The following GRAMD2B variants were observed in gnomAD, a reference collection of about 807,000 sequenced individuals.
The protein encoded by GRAMD2B is GRAM domain containing 2B, also known as GRAM domain-containing protein 2B.
Under a neutral mutation model 59.2 loss-of-function variants are expected in GRAMD2B, and 41 were observed. The ratio of observed to expected loss-of-function variants is 0.69; its 90% CI spans 0.54 to 0.90. The LOEUF is 0.90. Among genes scored for constraint, GRAMD2B ranks in the 40% least tolerant of loss-of-function variants. The pLI is 0.00. For missense variants in GRAMD2B, 424 were observed against 500.5 expected, an observed-to-expected ratio of 0.85 and a Z score of 1.46; for synonymous variants, 161 against 182.7, an observed-to-expected ratio of 0.88 and a Z score of 0.96.
chr5:126,443,632 G>A (rs757290529), intron 1 of GRAMD2B, among the ~76,000 whole-genome samples: 2 of 152,062 alleles, frequency 1.3e-5, no homozygotes, highest in Non-Finnish European at 2.9e-5. Context: ...AACTTTCCTG[G>A]ACAATAGTTT....
intron 1 of GRAMD2B, among the ~76,000 whole-genome samples, chr5:126,364,881 T>C (rs547116425): frequency 6.6e-6 from 1 of 152,332 alleles, no homozygotes; most frequent in East Asian, 1.9e-4. Flanking sequence ...TTTGATTCTG[T>C]TTCCACTACT....
intron 1 of GRAMD2B, among the ~76,000 whole-genome samples, chr5:126,427,429 T>G (rs1760801975): frequency 6.6e-6 from 1 of 152,214 alleles, no homozygotes; most frequent in South Asian, 2.1e-4. Flanking sequence ...GATTCATGTT[T>G]CAAATAACGA....
Position 126,391,319 on chromosome 5 carries a change from C to CAAAAAAAAAAAAAAAAAAAAAAAAAA in GRAMD2B, c.125+19773_125+19774insAAAAAAAAAAAAAAAAAAAAAAAAAA, listed in dbSNP as rs61181985. ...TGGGCAAGAGAGGGAGACTCCATCT[C>CAAAAAAAAAAAAAAAAAAAAAAAAAA]AAAAAAAAAAAAAAAAAAAAACTTG... On this transcript the variant is annotated intron_variant, in intron 1 of 8. Transcript: ENST00000506445. Among the ~76,000 whole-genome samples, 82 of 76,320 alleles carry CAAAAAAAAAAAAAAAAAAAAAAAAAA rather than the reference C, an allele frequency of 1.1e-3. 8 individuals carry two copies. The highest frequency in any genetic ancestry group is 2.1e-3 in the East Asian group (6 of 2,860). The allele number at this position is 76,320 out of a possible 152,430, so 50.1% of individuals were successfully genotyped here.
chr5:126,423,077 G>C, upstream of GRAMD2B: 1 of 752,522 alleles, frequency 1.3e-6, no homozygotes, highest in Non-Finnish European at 1.6e-6. Context: ...ATTTAGGATG[G>C]GGCATAGGCC....
chr5:126,427,985 C>T (rs1028473102), intron 1 of GRAMD2B, among the ~76,000 whole-genome samples: 2 of 152,184 alleles, frequency 1.3e-5, no homozygotes, highest in Admixed American at 1.3e-4. Context: ...TATAATCCAG[C>T]ATTTTGGGAG....
intron 1 of GRAMD2B, among the ~76,000 whole-genome samples, chr5:126,371,940 TATTATTAAAATAATA>T: frequency 1.3e-5 from 2 of 152,262 alleles, no homozygotes; most frequent in East Asian, 3.9e-4. Context: ...TTACATGAAC[TATTATTAAAATAATA>T]ATTATTAAAA....
intron 4 of GRAMD2B, 26 bp from the exon 5 acceptor site, chr5:126,473,239 T>C: frequency 1.2e-6 from 1 of 833,148 alleles, no homozygotes; most frequent in Non-Finnish European, 1.8e-6. Flanking sequence ...TTCTAAATGA[T>C]GCTGTGCCTG....
chr5:126,450,057 C>CT (rs781008973), intron 1 of GRAMD2B, among the ~76,000 whole-genome samples: 130 of 147,298 alleles, frequency 8.8e-4, no homozygotes, highest in African/African-American at 1.7e-3. Context: ...CTTTTGATCT[C>CT]TTTTTTTTTT....
intron 1 of GRAMD2B, among the ~76,000 whole-genome samples, chr5:126,415,714 G>A: frequency 6.6e-6 from 1 of 152,048 alleles, no homozygotes; most frequent in East Asian, 1.9e-4. Flanking sequence ...TTCCTTCCTT[G>A]TTTCAACTTA....
intron 1 of GRAMD2B, among the ~76,000 whole-genome samples, chr5:126,461,606 C>A (rs1008194222): frequency 5.9e-5 from 9 of 152,084 alleles, no homozygotes; most frequent in African/African-American, 2.2e-4. Context: ...TCGAGACCAG[C>A]CTGGCCAACA....
chr5:126,460,060 A>G (rs1581130514), intron 1 of GRAMD2B, among the ~76,000 whole-genome samples: 5 of 152,364 alleles, frequency 3.3e-5, no homozygotes, highest in South Asian at 2.1e-4. Flanking sequence ...CATCCTTACG[A>G]TGTAACTTTA....
chr5:126,436,291 C>G (rs1191380903), intron 1 of GRAMD2B, among the ~76,000 whole-genome samples: 1 of 151,826 alleles, frequency 6.6e-6, no homozygotes, highest in Non-Finnish European at 1.5e-5. Flanking sequence ...TTTTGAGGAC[C>G]TACTATTTTT....
chr5:126,398,657 GGTT>G (rs1215131173), intron 1 of GRAMD2B, among the ~76,000 whole-genome samples: 1 of 151,722 alleles, frequency 6.6e-6, no homozygotes, highest in Non-Finnish European at 1.5e-5. Flanking sequence ...AATTAGTTGA[GGTT>G]TTTTTCTAGT....
intron 1 of GRAMD2B, among the ~76,000 whole-genome samples, chr5:126,383,598 G>A (rs575834925): frequency 6.6e-6 from 1 of 152,228 alleles, no homozygotes; most frequent in East Asian, 1.9e-4. Flanking sequence ...GATGAAGTAA[G>A]CAGGTAACAG....
chr5:126,399,429 T>G (rs1461073912), intron 1 of GRAMD2B, among the ~76,000 whole-genome samples: 1 of 152,124 alleles, frequency 6.6e-6, no homozygotes, highest in Non-Finnish European at 1.5e-5. Context: ...GGAGGCAGTT[T>G]CCCCTGTGCT....
At chr5:126,365,241 GAAC>G (rs1754386611) in intron 1 of GRAMD2B, among the ~76,000 whole-genome samples, 1 of 152,084 alleles carries the variant, frequency 6.6e-6, no homozygotes, top group Non-Finnish European at 1.5e-5. Context: ...TCATGCCACT[GAAC>G]TATATACTTT....
chr5:126,474,322 A>G (rs1770164561), intron 5 of GRAMD2B, among the ~76,000 whole-genome samples: 1 of 152,242 alleles, frequency 6.6e-6, no homozygotes, highest in African/African-American at 2.4e-5. Flanking sequence ...TGGCAATTGC[A>G]TAAAGACCAC....
chr5:126,378,996 G>A (rs575870931), intron 1 of GRAMD2B, among the ~76,000 whole-genome samples: 14 of 152,128 alleles, frequency 9.2e-5, no homozygotes, highest in African/African-American at 3.4e-4. Context: ...AGATTTTGGT[G>A]CACCCATCAC....
At chr5:126,437,257 G>A (rs1398531677) in intron 1 of GRAMD2B, among the ~76,000 whole-genome samples, 1 of 152,190 alleles carries the variant, frequency 6.6e-6, no homozygotes, top group East Asian at 1.9e-4. Flanking sequence ...GGGGAGAGGG[G>A]AGAATGAGTT....
Sources: gnomAD v4.1 joint callset for allele counts (sites outside exome capture counted in the v4.1 genomes callset) on GRCh38, gnomAD v4.1.1 for gene constraint, MANE v1.5 for transcripts, NCBI Gene and HGNC (gene_info 2026-07-23, HGNC 2026-07-21) for gene names.